The following ZBTB26 variants were observed in gnomAD, a reference collection of about 807,000 sequenced individuals.
The protein encoded by ZBTB26 is zinc finger and BTB domain containing 26, also known as zinc finger and BTB domain-containing protein 26.
A neutral mutation model predicts 31.6 loss-of-function variants in ZBTB26; 12 were observed. That is an observed-to-expected ratio of 0.38 (90% CI 0.24 to 0.61). The LOEUF (loss-of-function observed/expected upper bound fraction) is 0.61, where lower values mean the gene tolerates loss of function less well. Ranked by LOEUF, ZBTB26 falls within the 20% of genes least tolerant of loss-of-function variation. The pLI is 0.60. For missense variants in ZBTB26, 311 were observed against 521.9 expected (o/e 0.60, Z 3.94); for synonymous variants, 155 against 182.9 (o/e 0.85, Z 1.23).
At chr9:122,922,157 G>A (rs1234892685) in intron 1 of ZBTB26, among the ~76,000 whole-genome samples, 1 of 152,100 alleles carries the variant, frequency 6.6e-6, no homozygotes, top group African/African-American at 2.4e-5. Flanking sequence ...AGAATCACTT[G>A]AACCTGGGAG....
Position 122,919,840 on chromosome 9 carries a change from A to C in ZBTB26, c.95T>G (p.Phe32Cys). 6.2e-7 allele frequency: 1 copy of C among 1,613,680 alleles called. No homozygotes were observed. The highest frequency in any genetic ancestry group is 8.5e-7 in the Non-Finnish European group (1 of 1,179,848). Residue 32 changes from phenylalanine (F) to cysteine (C), a missense_variant, in exon 2 of 2, where the codon TTT (phenylalanine) becomes TGT (cysteine). Transcript: ENST00000373656. The surrounding 1 kb of genome is among the most constrained non-coding windows in gnomAD (Gnocchi z 6.1). Reference sequence around the variant, plus strand: ...ATCTATGAGAACTGTAACATCACAAAATTTATTCTCTTCTCTTAATTTGTT... The same window carrying C: ...ATCTATGAGAACTGTAACATCACAACATTTATTCTCTTCTCTTAATTTGTT... The part of the protein sequence containing the change: ...KMNKLREENK[F>C]CDVTVLIDDI...
intron 1 of ZBTB26, among the ~76,000 whole-genome samples, chr9:122,925,464 A>AC (rs1270336372): frequency 1.3e-5 from 2 of 152,232 alleles, no homozygotes; most frequent in Non-Finnish European, 2.9e-5. Flanking sequence ...GTATATGACG[A>AC]AACTAAGCTT....
At position 122,918,549 on chromosome 9, in the gene ZBTB26, A is replaced by T. The variant is rs536880020; in HGVS notation, c.*60T>A. On this transcript the variant is annotated 3_prime_UTR_variant, in exon 2 of 2. Coordinates refer to ENST00000373656, the MANE Select transcript of ZBTB26 (RefSeq NM_020924.4). ...GTCAAACTAGCAAAATCACTCCTAAAAAGACTAAGACTATTGCCACATTGT... is the reference window on the plus strand; with the variant it reads ...GTCAAACTAGCAAAATCACTCCTAATAAGACTAAGACTATTGCCACATTGT... 43 of 1,550,186 alleles carry T rather than the reference A, an allele frequency of 2.8e-5. 1 individual carries two copies. The South Asian group carries it at 5.3e-4, about 19-fold the overall frequency.
intron 1 of ZBTB26, among the ~76,000 whole-genome samples, chr9:122,927,764 A>G (rs1833204699): frequency 6.6e-6 from 1 of 152,142 alleles, no homozygotes; most frequent in South Asian, 2.1e-4. Flanking sequence ...TCAACTGCCT[A>G]CCACTCAGTA....
In ZBTB26 at chr9:122,919,348, C is replaced by G; in HGVS notation, c.587G>C (p.Ser196Thr). ...ESIGDVSEVRSKKDQNQFISS... is the reference protein window; with the variant it reads ...ESIGDVSEVRTKKDQNQFISS... ...AATAAACTGGTTCTGATCTTTTTTA[C>G]TTCTAACCTCTGATACATCCCCAAT... is the stretch of plus-strand genomic sequence containing the variant. The change falls in exon 2 of 2, where the codon AGT (serine) becomes ACT (threonine). Residue 196 changes from serine (S) to threonine (T), a missense_variant. Physicochemically the swap from Ser to Thr is moderately conservative, Grantham distance 58. Coordinates refer to ENST00000373656, the MANE Select transcript of ZBTB26 (RefSeq NM_020924.4). The surrounding 1 kb of genome is among the most constrained non-coding windows in gnomAD (Gnocchi z 6.1). The G allele has an allele frequency of 6.2e-7, 1 of 1,614,136 alleles. No homozygotes were observed. The highest frequency in any genetic ancestry group is 1.1e-5 in the South Asian group (1 of 91,076).
intron 1 of ZBTB26, among the ~76,000 whole-genome samples, chr9:122,926,257 G>A (rs1345600146): frequency 6.7e-6 from 1 of 150,102 alleles, no homozygotes; most frequent in East Asian, 2.1e-4. Flanking sequence ...GCTCACACCT[G>A]TAATCCCAGC....
At chr9:122,925,455 T>G (rs919506566) in intron 1 of ZBTB26, among the ~76,000 whole-genome samples, 2 of 152,218 alleles carry the variant, frequency 1.3e-5, no homozygotes, top group African/African-American at 4.8e-5. Context: ...CCACATTTTG[T>G]ATATGACGAA....
chr9:122,929,624 A>G (rs1029157289), intron 1 of ZBTB26, among the ~76,000 whole-genome samples: 5 of 152,374 alleles, frequency 3.3e-5, no homozygotes, highest in East Asian at 1.9e-4. Context: ...AGTGTCTGGT[A>G]TGTACCCTAT....
At position 122,918,352 on chromosome 9, in the gene ZBTB26, T is replaced by C. The variant is rs934125198; in HGVS notation, c.*257A>G. On this transcript the variant is annotated 3_prime_UTR_variant, in exon 2 of 2. Transcript: ENST00000373656. ...GTCTAAGACATAAGTCAATGTTAGG[T>C]AGACAAAAGGAATTATTCCTTGGGA... is the stretch of plus-strand genomic sequence containing the variant. 6.5e-6 allele frequency: 3 copies of C among 462,594 alleles called. No individual in the cohort carries two copies. Among genetic ancestry groups the C allele is most frequent in the East Asian group, 8.0e-5 (2 of 25,128 alleles). 28.7% of individuals were successfully genotyped at this position (462,594 alleles called of 1,614,324 possible).
At chr9:122,920,947 A>C (rs1833088495) in intron 1 of ZBTB26, among the ~76,000 whole-genome samples, 1 of 152,178 alleles carries the variant, frequency 6.6e-6, no homozygotes, top group African/African-American at 2.4e-5. Context: ...TCTTTCAAAA[A>C]CAGAGATCTG....
rs1194917269 is a variant in ZBTB26 at position 122,916,413 on chromosome 9, G to C, written c.*2196C>G. The C allele has an allele frequency of 4.6e-5, 7 of 152,154 alleles. No individual in the cohort carries two copies. Among genetic ancestry groups the C allele is most frequent in the African/African-American group, 1.7e-4 (7 of 41,440 alleles). The allele number at this position is 152,154 out of a possible 1,614,324, so 9.4% of individuals were successfully genotyped here. A position where few individuals can be genotyped will look rare whatever the true frequency, so the allele number is the denominator to read the frequency against. ...AGTAGGTGCTTAACTAATGTTTCTT[G>C]AACAACTGAATGAACCCAGAAATAG... On this transcript the variant is annotated 3_prime_UTR_variant, in exon 2 of 2. Transcript: ENST00000373656.
chr9:122,919,953 C>A lies in ZBTB26; in HGVS notation c.-10-9G>T. 6.5e-7 allele frequency: 1 copy of A among 1,540,146 alleles called. No individual in the cohort carries two copies. Among genetic ancestry groups the A allele is most frequent in the Admixed American group, 2.2e-5 (1 of 46,276 alleles). On this transcript the variant is annotated splice_polypyrimidine_tract_variant and intron_variant, in intron 1 of 1. Transcript: ENST00000373656. The surrounding 1 kb of genome is among the most constrained non-coding windows in gnomAD (Gnocchi z 6.1). ...CAGACATTTTGGCAGACCTAAAGAA[C>A]AGAAATGTAAAAAGGTTGAATTTAA...
At chr9:122,921,165 T>G (rs1425460096) in intron 1 of ZBTB26, among the ~76,000 whole-genome samples, 4 of 152,230 alleles carry the variant, frequency 2.6e-5, no homozygotes, top group Non-Finnish European at 5.9e-5. Context: ...GGTGAAAGTC[T>G]CCATGTTCTG....
intron 1 of ZBTB26, among the ~76,000 whole-genome samples, chr9:122,929,839 C>G (rs750744977): frequency 6.6e-6 from 1 of 152,148 alleles, no homozygotes; most frequent in Non-Finnish European, 1.5e-5. Context: ...TCCCCTCCCC[C>G]AAGTCTCCAG....
intron 1 of ZBTB26, among the ~76,000 whole-genome samples, chr9:122,924,600 A>G (rs1484955254): frequency 1.4e-5 from 2 of 147,292 alleles, no homozygotes; most frequent in Admixed American, 7.1e-5. Context: ...TTGGCAATAT[A>G]AAACCAAATT....
At chr9:122,925,952 G>C (rs1833171959) in intron 1 of ZBTB26, among the ~76,000 whole-genome samples, 1 of 152,006 alleles carries the variant, frequency 6.6e-6, no homozygotes, top group Non-Finnish European at 1.5e-5. Context: ...TAGAGACGGG[G>C]TTTCTTCATG....
intron 1 of ZBTB26, among the ~76,000 whole-genome samples, chr9:122,921,860 G>A (rs1365692619): frequency 6.6e-6 from 1 of 151,858 alleles, no homozygotes; most frequent in Non-Finnish European, 1.5e-5. Context: ...GAACCCGGGA[G>A]GCAGAGGTTG....
rs1019096097 is a variant in ZBTB26, at chr9:122,915,933, G to C, written c.*2676C>G. ...AAAATACAAATGCTGAATGATAAAG[G>C]TTTTAAAAATCTTCCTCCTCTACAG... On this transcript the variant is annotated 3_prime_UTR_variant, in exon 2 of 2. Transcript: ENST00000373656. The C allele has an allele frequency of 2.0e-5, 3 of 152,076 alleles. No individual in the cohort carries two copies. The highest frequency in any genetic ancestry group is 7.2e-5 in the African/African-American group (3 of 41,404). 9.4% of individuals were successfully genotyped at this position (152,076 alleles called of 1,614,324 possible). A position where few individuals can be genotyped will look rare whatever the true frequency, so the allele number is the denominator to read the frequency against.
chr9:122,915,765 TA>T lies in ZBTB26; in HGVS notation c.*2843del, dbSNP rs1391806747. The T allele has an allele frequency of 6.6e-6, 1 of 152,242 alleles. No individual in the cohort carries two copies. The highest frequency in any genetic ancestry group is 2.4e-5 in the African/African-American group (1 of 41,472). 9.4% of individuals were successfully genotyped at this position (152,242 alleles called of 1,614,324 possible). On this transcript the variant is annotated 3_prime_UTR_variant, in exon 2 of 2. Coordinates refer to ENST00000373656, the MANE Select transcript of ZBTB26 (RefSeq NM_020924.4). The stretch of plus-strand genomic sequence containing the variant: ...GATCTGCTAATAAAGAAACTTAAAT[TA>T]AAATCATATCTGATTTACCTCAGAG...
Sources: allele counts gnomAD v4.1 joint callset (sites outside exome capture counted in the v4.1 genomes callset), GRCh38; gene constraint gnomAD v4.1.1; non-coding constraint Gnocchi (gnomAD v3.1); transcripts MANE v1.5; gene names NCBI Gene and HGNC (gene_info 2026-07-23, HGNC 2026-07-21).